Variants in NANOS3 observed in about 807,000 individuals in gnomAD.
NANOS3 encodes nanos C2HC-type zinc finger 3.
NANOS3 carries 11 observed loss-of-function variants against 13.8 expected under a neutral mutation model. That is an observed-to-expected ratio of 0.80 (90% CI 0.50 to 1.32). The LOEUF (loss-of-function observed/expected upper bound fraction) is 1.32. NANOS3 is among the 40% of genes most tolerant of loss of function. The pLI is 0.00. For missense variants in NANOS3, 221 were observed against 263.8 expected (o/e 0.84, Z 1.12); for synonymous variants, 119 against 115.4 (o/e 1.03, Z -0.20).
intron 1 of NANOS3, among the ~76,000 whole-genome samples, chr19:13,878,623 T>C (rs1483241982): frequency 6.6e-6 from 1 of 151,630 alleles, no homozygotes; most frequent in Non-Finnish European, 1.5e-5. Flanking sequence ...TTAATTTTTT[T>C]TTTTGAGATA....
At chr19:13,871,383 A>T (rs1976325280) in intron 1 of NANOS3, among the ~76,000 whole-genome samples, 1 of 152,166 alleles carries the variant, frequency 6.6e-6, no homozygotes, top group African/African-American at 2.4e-5. Flanking sequence ...CCAGATGGAC[A>T]CTGAGGGCCA....
At chr19:13,867,788 G>A (rs1976264616) in intron 1 of NANOS3, among the ~76,000 whole-genome samples, 1 of 151,986 alleles carries the variant, frequency 6.6e-6, no homozygotes, top group Admixed American at 6.6e-5. Context: ...ACAGTAAAAT[G>A]GATCCTCTTA....
chr19:13,868,561 G>GATA (rs1174661230), intron 1 of NANOS3, among the ~76,000 whole-genome samples: 1 of 151,744 alleles, frequency 6.6e-6, no homozygotes, highest in East Asian at 2.0e-4. Flanking sequence ...TGCGCCTATA[G>GATA]TCTCAGGTAC....
intron 1 of NANOS3, among the ~76,000 whole-genome samples, chr19:13,867,916 A>G (rs1976266675): frequency 6.6e-6 from 1 of 152,106 alleles, no homozygotes; most frequent in Non-Finnish European, 1.5e-5. Flanking sequence ...CACATCTACA[A>G]TAATACTGAC....
intron 1 of NANOS3, among the ~76,000 whole-genome samples, chr19:13,871,281 G>T (rs1976323904): frequency 1.3e-5 from 2 of 152,172 alleles, no homozygotes; most frequent in South Asian, 2.1e-4. Context: ...AGGTGCACGG[G>T]CTGGGCAGGA....
At chr19:13,876,089 C>T (rs1162243680), upstream of NANOS3, among the ~76,000 whole-genome samples, 1 of 152,210 alleles carries the variant, frequency 6.6e-6, no homozygotes, top group Non-Finnish European at 1.5e-5. Flanking sequence ...TCCCCAGCAC[C>T]TAGCCTCAGG....
upstream of NANOS3, among the ~76,000 whole-genome samples, chr19:13,863,433 G>T (rs1976185965): frequency 6.6e-6 from 1 of 151,956 alleles, no homozygotes; most frequent in Non-Finnish European, 1.5e-5. Flanking sequence ...GCCCAGACTG[G>T]TCTTGAACTC....
At chr19:13,877,128 A>C (rs1049539332), upstream of NANOS3, 4 of 854,184 alleles carry the variant, frequency 4.7e-6, no homozygotes, top group African/African-American at 6.8e-5. Context: ...GCCAGCACAG[A>C]CTCCCAGGCT....
intron 1 of NANOS3, among the ~76,000 whole-genome samples, chr19:13,866,862 A>T (rs1192020667): frequency 6.6e-6 from 1 of 152,106 alleles, no homozygotes; most frequent in Non-Finnish European, 1.5e-5. Flanking sequence ...AGTCACCCAC[A>T]GTCACCCCCA....
chr19:13,862,493 G>A (rs1346584432), upstream of NANOS3, among the ~76,000 whole-genome samples: 1 of 152,184 alleles, frequency 6.6e-6, no homozygotes, highest in Non-Finnish European at 1.5e-5. Context: ...AAGAGACGGG[G>A]GGAAAGGCCT....
At chr19:13,880,051 T>A (rs934100713) in intron 1 of NANOS3, among the ~76,000 whole-genome samples, 5 of 152,032 alleles carry the variant, frequency 3.3e-5, no homozygotes, top group African/African-American at 1.2e-4. Flanking sequence ...CATGAAAGAC[T>A]GCCTCCAGGA....
Position 13,877,419 on chromosome 19 carries a change from G to A in NANOS3, c.171G>A (p.Val57=), listed in dbSNP as rs1337121994. The A allele has an allele frequency of 6.2e-7, 1 of 1,612,272 alleles. No homozygotes were observed. Among genetic ancestry groups the A allele is most frequent in the Admixed American group, 1.7e-5 (1 of 60,022 alleles). Residue 57 remains valine, a synonymous_variant, in exon 1 of 2, where the codon GTG becomes GTA. Coordinates refer to ENST00000339133, the MANE Select transcript of NANOS3 (RefSeq NM_001098622.3). The part of the protein sequence containing the change: ...EPMPAPESVP[V]PGPKDQKRSL... ...TGCCAGCGCCGGAGTCGGTGCCAGT[G>A]CCGGGACCCAAGGATCAGAAGCGCA...
upstream of NANOS3, among the ~76,000 whole-genome samples, chr19:13,862,542 T>A (rs1976174211): frequency 6.6e-6 from 1 of 151,898 alleles, no homozygotes; most frequent in Non-Finnish European, 1.5e-5. Flanking sequence ...TTTTTTTTCT[T>A]TTTTCTTTTT....
chr19:13,866,260 C>T (rs534658947), intron 1 of NANOS3, among the ~76,000 whole-genome samples: 20 of 152,112 alleles, frequency 1.3e-4, no homozygotes, highest in African/African-American at 4.8e-4. Flanking sequence ...CCCTGGAGGG[C>T]AGGCTGGGGG....
chr19:13,865,922 G>A (rs1249577857), intron 1 of NANOS3, among the ~76,000 whole-genome samples: 1 of 151,930 alleles, frequency 6.6e-6, no homozygotes, highest in African/African-American at 2.4e-5. Context: ...AAGAGAGTAC[G>A]GCCCGGCGCG....
chr19:13,870,504 G>A (rs1470090956), intron 1 of NANOS3, among the ~76,000 whole-genome samples: 2 of 150,378 alleles, frequency 1.3e-5, no homozygotes, highest in Non-Finnish European at 2.9e-5. Context: ...CAGCTGCCCT[G>A]CACCTTCCTG....
intron 1 of NANOS3, among the ~76,000 whole-genome samples, chr19:13,866,706 T>C (rs1976246740): frequency 6.6e-6 from 1 of 152,210 alleles, no homozygotes; most frequent in East Asian, 1.9e-4. Context: ...ACCCACAGCA[T>C]GTCACTCAGG....
chr19:13,877,278 C>T lies in NANOS3; in HGVS notation c.30C>T (p.Tyr10=). The change falls in exon 1 of 2, where the codon TAC becomes TAT. Residue 10 remains tyrosine, a synonymous_variant. Transcript: ENST00000339133. MGTFDLWTD[Y]LGLAHLVRAL... ...GGACCTTTGACCTGTGGACAGATTA[C>T]CTGGGTTTGGCACACCTGGTTAGGG... The T allele has an allele frequency of 6.2e-7, 1 of 1,612,598 alleles. No homozygotes were observed. Among genetic ancestry groups the T allele is most frequent in the Non-Finnish European group, 8.5e-7 (1 of 1,179,430 alleles).
upstream of NANOS3, chr19:13,865,385 C>T (rs1301325109): frequency 4.1e-5 from 6 of 145,546 alleles, no homozygotes; most frequent in African/African-American, 1.5e-4. Context: ...GGGGGCTTTT[C>T]CGGGCGGGTT....
Sources: gnomAD v4.1 joint callset for allele counts (sites outside exome capture counted in the v4.1 genomes callset) on GRCh38, gnomAD v4.1.1 for gene constraint, MANE v1.5 for transcripts, NCBI Gene and HGNC (gene_info 2026-07-23, HGNC 2026-07-21) for gene names.